Variants in MGRN1 observed in about 807,000 individuals in gnomAD.
The protein encoded by MGRN1 is E3 ubiquitin-protein ligase MGRN1.
In MGRN1, 29 loss-of-function variants were observed where a neutral mutation model predicts 69.2. That is an observed-to-expected ratio of 0.42 (90% CI 0.31 to 0.57). The LOEUF (loss-of-function observed/expected upper bound fraction) is 0.57. MGRN1 is among the 20% of genes least tolerant of loss of function. The pLI is 0.15. For missense variants in MGRN1, 998 were observed against 796.2 expected, an observed-to-expected ratio of 1.25 and a Z score of -3.05; for synonymous variants, 470 against 344.2, an observed-to-expected ratio of 1.37 and a Z score of -4.04.
chr16:4,630,423 A>G (rs1252531923), intron 1 of MGRN1, among the ~76,000 whole-genome samples: 3 of 149,974 alleles, frequency 2.0e-5, no homozygotes, highest in Non-Finnish European at 4.4e-5. Flanking sequence ...ATTTTCTCCT[A>G]TTTTTTTCTA....
rs116052050 is a variant in MGRN1, at chr16:4,656,334, G to A, written c.444-912G>A. Among the ~76,000 whole-genome samples the A allele has an allele frequency of 5.0e-4, 76 of 152,352 alleles. 1 individual carries two copies. Among genetic ancestry groups the A allele is most frequent in the African/African-American group, 1.5e-3 (64 of 41,580 alleles). Reference sequence around the variant, plus strand: ...CTGACTGAATCAGTAAAACCAAAGCGGGACCTGTGTGGTGGTTCACAGGAC... The same window carrying A: ...CTGACTGAATCAGTAAAACCAAAGCAGGACCTGTGTGGTGGTTCACAGGAC... On this transcript the variant is annotated intron_variant, in intron 4 of 16. Coordinates refer to ENST00000262370, the MANE Select transcript of MGRN1 (RefSeq NM_015246.4).
At chr16:4,643,311 G>T (rs1260812367) in intron 1 of MGRN1, among the ~76,000 whole-genome samples, 2 of 151,954 alleles carry the variant, frequency 1.3e-5, no homozygotes, top group South Asian at 2.1e-4. Context: ...GTCCAGGCAG[G>T]TCTCGAACTG....
In MGRN1 at chr16:4,683,277, C is replaced by T. The variant is rs1248850465; in HGVS notation, c.1528+8C>T. ...CGTCGTCACCACAGCAAGGTGAGCG[C>T]CTCCTTCCATGGGCACAAACCGCAT... is the stretch of plus-strand genomic sequence containing the variant. On this transcript the variant is annotated splice_region_variant and intron_variant, in intron 15 of 16. Transcript: ENST00000262370. The T allele has an allele frequency of 1.2e-6, 2 of 1,613,670 alleles. No individual in the cohort carries two copies.
intron 16 of MGRN1, chr16:4,686,486 A>C (rs2079321704): frequency 7.2e-7 from 1 of 1,381,344 alleles, no homozygotes; most frequent in South Asian, 1.8e-5. Flanking sequence ...TTCCCCCAGA[A>C]AGTGGCCTCC....
At position 4,673,624 on chromosome 16, in the gene MGRN1, T is replaced by C; in HGVS notation, c.922T>C (p.Tyr308His). 6.2e-7 allele frequency: 1 copy of C among 1,613,570 alleles called. No individual in the cohort carries two copies. Among genetic ancestry groups the C allele is most frequent in the Non-Finnish European group, 8.5e-7 (1 of 1,179,872 alleles). Residue 308 changes from tyrosine (Y) to histidine (H), a missense_variant, in exon 10 of 17, where the codon TAC (tyrosine) becomes CAC (histidine). By Grantham distance (83) the Tyr-to-His change is moderately conservative. Coordinates refer to ENST00000262370, the MANE Select transcript of MGRN1 (RefSeq NM_015246.4). ...TACCTCCTGCGCCGACACGCTGCGC[T>C]ACCAGGCCAACAACTGCCCCATCTG... ...LCTSCADTLR[Y>H]QANNCPICRL...
rs548244592 is a variant in MGRN1, at chr16:4,687,678, C to T, written c.1619-1118C>T. 23 of 985,314 alleles carry T rather than the reference C, an allele frequency of 2.3e-5. 1 individual carries two copies. The highest frequency in any genetic ancestry group is 1.0e-3 in the Middle Eastern group (2 of 1,938). 61.0% of individuals were successfully genotyped at this position (985,314 alleles called of 1,614,324 possible). On this transcript the variant is annotated intron_variant, in intron 16 of 16. Transcript: ENST00000262370. ...GGCAGACGGATTGGGGACCCTCTGC[C>T]TTCCCAGAGGGTCTTGGCACACAAG...
At chr16:4,662,170 C>G (rs1302214032) in intron 5 of MGRN1, among the ~76,000 whole-genome samples, 1 of 152,126 alleles carries the variant, frequency 6.6e-6, no homozygotes. Flanking sequence ...GTAGGAAATT[C>G]GCTGTGTTGA....
chr16:4,661,882 G>T (rs976603907), intron 5 of MGRN1, among the ~76,000 whole-genome samples: 1 of 152,228 alleles, frequency 6.6e-6, no homozygotes, highest in African/African-American at 2.4e-5. Flanking sequence ...GATGGGTTAC[G>T]TGTGCCATTC....
chr16:4,662,092 C>T (rs1489117322), intron 5 of MGRN1, among the ~76,000 whole-genome samples: 2 of 152,172 alleles, frequency 1.3e-5, no homozygotes, highest in African/African-American at 4.8e-5. Flanking sequence ...TGATGTTTGT[C>T]CCCGTCCCCT....
intron 10 of MGRN1, 189 bp from the exon 11 acceptor site, chr16:4,677,274 C>T (rs530582522): frequency 6.0e-5 from 27 of 451,400 alleles, no homozygotes; most frequent in African/African-American, 4.5e-4. Flanking sequence ...TTTCTTCCCC[C>T]ATCTTTCCTG....
intron 1 of MGRN1, 190 bp from the exon 2 acceptor site, chr16:4,650,175 T>C (rs2078369280): frequency 4.0e-6 from 2 of 500,024 alleles, no homozygotes; most frequent in African/African-American, 2.0e-5. Flanking sequence ...TGGTGGTGGG[T>C]GCCGGTAATC....
At position 4,652,717 on chromosome 16, in the gene MGRN1, C is replaced by G; in HGVS notation, c.336C>G (p.Asp112Glu). Residue 112 changes from aspartate (D) to glutamate (E), a missense_variant, in exon 4 of 17, where the codon GAC (aspartate) becomes GAG (glutamate). Physicochemically the swap from Asp to Glu is conservative, Grantham distance 45. Transcript: ENST00000262370. ...CCGACAGCCCCACCGAGGACGGCGA[C>G]AAGCCCCGGGTGCTCTACAGCCTGG... ...DDADSPTEDG[D>E]KPRVLYSLEF... 6.2e-7 allele frequency: 1 copy of G among 1,613,178 alleles called. No individual in the cohort carries two copies. Among genetic ancestry groups the G allele is most frequent in the South Asian group, 1.1e-5 (1 of 90,960 alleles).
rs1478725296 is a variant in MGRN1, at chr16:4,690,221, T to G, written c.*1313T>G. 6.6e-6 allele frequency: 1 copy of G among 152,260 alleles called. No homozygotes were observed. Among genetic ancestry groups the G allele is most frequent in the Non-Finnish European group, 1.5e-5 (1 of 68,138 alleles). 9.4% of individuals were successfully genotyped at this position (152,260 alleles called of 1,614,324 possible). A position where few individuals can be genotyped will look rare whatever the true frequency, so the allele number is the denominator to read the frequency against. On this transcript the variant is annotated 3_prime_UTR_variant, in exon 17 of 17. Coordinates refer to ENST00000262370, the MANE Select transcript of MGRN1 (RefSeq NM_015246.4). ...CGTCCTGTTTTTTTTGTTTGTTTGT[T>G]TGTTTTTTTAAAGGTAAACCTCCTG...
chr16:4,662,263 C>T (rs1028124972), intron 5 of MGRN1, among the ~76,000 whole-genome samples: 39 of 152,032 alleles, frequency 2.6e-4, no homozygotes, highest in African/African-American at 9.4e-4. Context: ...ACCTGTAATC[C>T]CAGCATTTTT....
chr16:4,628,631 G>A (rs1488146025), intron 1 of MGRN1, among the ~76,000 whole-genome samples: 5 of 152,088 alleles, frequency 3.3e-5, no homozygotes, highest in African/African-American at 9.6e-5. Flanking sequence ...TGCAACGTCC[G>A]CCTCCTGGGT....
chr16:4,643,860 T>G (rs1429304182), intron 1 of MGRN1, among the ~76,000 whole-genome samples: 1 of 152,232 alleles, frequency 6.6e-6, no homozygotes, highest in African/African-American at 2.4e-5. Context: ...GAAAAAACAT[T>G]GGAAATATGT....
rs1320523317 is a variant in MGRN1 at position 4,664,789 on chromosome 16, C to G, written c.628+14C>G. On this transcript the variant is annotated intron_variant, in intron 6 of 16. Coordinates refer to ENST00000262370, the MANE Select transcript of MGRN1 (RefSeq NM_015246.4). ...ACGAAGGAGATGGTGAGTGCGTCCTCTTCCGTCCTCCTGGGCGTGCAGGCC... is the reference window on the plus strand; with the variant it reads ...ACGAAGGAGATGGTGAGTGCGTCCTGTTCCGTCCTCCTGGGCGTGCAGGCC... The G allele has an allele frequency of 1.9e-6, 3 of 1,614,086 alleles. No homozygotes were observed. Among genetic ancestry groups the G allele is most frequent in the East Asian group, 2.2e-5 (1 of 44,882 alleles).
At chr16:4,676,040 A>G (rs769559450) in intron 10 of MGRN1, among the ~76,000 whole-genome samples, 4 of 152,244 alleles carry the variant, frequency 2.6e-5, no homozygotes, top group Non-Finnish European at 5.9e-5. Flanking sequence ...GCTGCAGGAC[A>G]CATGCGCTTA....
intron 1 of MGRN1, chr16:4,634,983 C>A (rs1391588280): frequency 6.6e-6 from 1 of 152,234 alleles, no homozygotes; most frequent in Non-Finnish European, 1.5e-5. Flanking sequence ...CCCCGCGGAA[C>A]AGATGCTCTC....
Sources: allele counts gnomAD v4.1 joint callset (sites outside exome capture counted in the v4.1 genomes callset), GRCh38; gene constraint gnomAD v4.1.1; transcripts MANE v1.5; gene names NCBI Gene and HGNC (gene_info 2026-07-23, HGNC 2026-07-21).